Variants in SGCZ observed in about 807,000 individuals in gnomAD.
SGCZ encodes the protein sarcoglycan zeta, also known as zeta-sarcoglycan.
In SGCZ, 40 loss-of-function variants were observed where a neutral mutation model predicts 41.3. The observed-to-expected ratio is 0.97, with a 90% CI of 0.75 to 1.26. SGCZ has a LOEUF of 1.26. SGCZ is among the 50% of genes most tolerant of loss of function. SGCZ has a pLI of 0.00. For missense variants in SGCZ, 552 were observed against 369.8 expected (o/e 1.49, Z -4.04); for synonymous variants, 206 against 137.5 (o/e 1.50, Z -3.49).
chr8:14,413,175 A>G (rs7461169), intron 2 of SGCZ, among the ~76,000 whole-genome samples: 48,132 of 151,838 alleles, frequency 0.32, 7,747 homozygotes, highest in Admixed American at 0.36. Context: ...TAGTAACACC[A>G]ACTAGAGCAA....
At chr8:14,774,721 T>A (rs1318530537) in intron 1 of SGCZ, among the ~76,000 whole-genome samples, 2 of 152,210 alleles carry the variant, frequency 1.3e-5, no homozygotes, top group African/African-American at 2.4e-5. Context: ...GAAATGTGGT[T>A]AATTGAACCA....
intron 1 of SGCZ, among the ~76,000 whole-genome samples, chr8:14,933,077 G>C (rs946879563): frequency 5.9e-5 from 9 of 151,910 alleles, no homozygotes; most frequent in Non-Finnish European, 2.9e-5. Context: ...GGGGATGAGG[G>C]CTGAAAAACT....
At chr8:14,524,725 A>C (rs978005714) in intron 2 of SGCZ, among the ~76,000 whole-genome samples, 5 of 152,108 alleles carry the variant, frequency 3.3e-5, no homozygotes, top group African/African-American at 9.7e-5. Context: ...CACGGTTTTT[A>C]ATCGTACTTA....
intron 2 of SGCZ, among the ~76,000 whole-genome samples, chr8:14,406,828 C>G (rs1187938850): frequency 1.3e-5 from 2 of 152,128 alleles, no homozygotes; most frequent in African/African-American, 4.8e-5. Context: ...GAGTGCAGCA[C>G]TGATTCTGAG....
chr8:14,679,154 A>C (rs1808364006), intron 1 of SGCZ, among the ~76,000 whole-genome samples: 1 of 152,174 alleles, frequency 6.6e-6, no homozygotes, highest in Non-Finnish European at 1.5e-5. Context: ...ATATAATAAT[A>C]TATCACATAC....
rs114844296 is a variant in SGCZ, at chr8:14,160,269, G to A, written c.547+4311C>T. Among the ~76,000 whole-genome samples the A allele has an allele frequency of 4.3e-3, 662 of 152,248 alleles. 7 individuals are homozygous for A. The highest frequency in any genetic ancestry group is 0.016 in the African/African-American group (650 of 41,534). Reference sequence around the variant, plus strand: ...TGTCTTTCACTTTTTAAAGCAGAGTGGCTTATTCGTGAAATTTGTTTTCTA... The same window carrying A: ...TGTCTTTCACTTTTTAAAGCAGAGTAGCTTATTCGTGAAATTTGTTTTCTA... On this transcript the variant is annotated intron_variant, in intron 5 of 7. Coordinates refer to ENST00000382080, the MANE Select transcript of SGCZ (RefSeq NM_139167.4).
At chr8:14,384,722 G>A (rs1804504841) in intron 2 of SGCZ, among the ~76,000 whole-genome samples, 1 of 152,068 alleles carries the variant, frequency 6.6e-6, no homozygotes. Context: ...ACCATACCCG[G>A]CTAATTTTTG....
At chr8:15,172,602 A>G (rs1440918042) in intron 1 of SGCZ, among the ~76,000 whole-genome samples, 4 of 152,146 alleles carry the variant, frequency 2.6e-5, no homozygotes, top group African/African-American at 9.7e-5. Flanking sequence ...TACATGGTCA[A>G]CTTCATTTGT....
chr8:14,706,825 G>A (rs1048295265), intron 1 of SGCZ, among the ~76,000 whole-genome samples: 2 of 151,964 alleles, frequency 1.3e-5, no homozygotes, highest in Non-Finnish European at 2.9e-5. Flanking sequence ...ACTCTCATGT[G>A]CTTATCAGAA....
intron 1 of SGCZ, among the ~76,000 whole-genome samples, chr8:14,997,334 T>C (rs1802253316): frequency 6.6e-6 from 1 of 152,204 alleles, no homozygotes; most frequent in African/African-American, 2.4e-5. Flanking sequence ...ACTGAAAATA[T>C]TTCCTTCTTT....
chr8:14,122,720 G>T (rs910839442), intron 5 of SGCZ, among the ~76,000 whole-genome samples: 5 of 152,056 alleles, frequency 3.3e-5, no homozygotes, highest in Non-Finnish European at 5.9e-5. Context: ...TTTTCAAGTT[G>T]TGGTCAACTC....
chr8:14,163,386 T>C (rs1804106730), intron 5 of SGCZ, among the ~76,000 whole-genome samples: 1 of 152,204 alleles, frequency 6.6e-6, no homozygotes, highest in Non-Finnish European at 1.5e-5. Context: ...GTTCTCATCA[T>C]TTATAGCTCC....
intron 3 of SGCZ, among the ~76,000 whole-genome samples, chr8:14,320,414 A>G (rs1238749530): frequency 6.6e-6 from 1 of 151,474 alleles, no homozygotes; most frequent in Non-Finnish European, 1.5e-5. Flanking sequence ...GCCTGGCCCC[A>G]TGGCTTTGTG....
chr8:14,133,581 G>A (rs1302278989), intron 5 of SGCZ, among the ~76,000 whole-genome samples: 2 of 152,164 alleles, frequency 1.3e-5, no homozygotes, highest in East Asian at 3.9e-4. Flanking sequence ...TCTGAAGACT[G>A]CCATAGAGCC....
intron 5 of SGCZ, 52 bp downstream of exon 5, chr8:14,164,528 T>C (rs1804146550): frequency 6.2e-7 from 1 of 1,606,120 alleles, no homozygotes; most frequent in African/African-American, 1.3e-5. Flanking sequence ...CTTGTGCAGT[T>C]GTATATTCTT....
At chr8:14,904,282 A>C (rs769424506) in intron 1 of SGCZ, among the ~76,000 whole-genome samples, 1 of 152,152 alleles carries the variant, frequency 6.6e-6, no homozygotes, top group East Asian at 1.9e-4. Flanking sequence ...TCGTTCCTGA[A>C]AACAGCATTG....
chr8:14,335,485 T>C (rs1006591963), intron 2 of SGCZ, among the ~76,000 whole-genome samples: 35 of 152,082 alleles, frequency 2.3e-4, no homozygotes, highest in Admixed American at 1.5e-3. Flanking sequence ...AAATATGTAA[T>C]ATTAGCTTCT....
intron 3 of SGCZ, among the ~76,000 whole-genome samples, chr8:14,295,165 C>G (rs1800967467): frequency 6.6e-6 from 1 of 151,892 alleles, no homozygotes; most frequent in South Asian, 2.1e-4. Flanking sequence ...TTGTAATAGC[C>G]AAAAGATGCG....
chr8:14,935,048 C>G (rs574760961), intron 1 of SGCZ, among the ~76,000 whole-genome samples: 1 of 144,270 alleles, frequency 6.9e-6, no homozygotes, highest in Non-Finnish European at 1.5e-5. Flanking sequence ...AAGGTGAAAA[C>G]TGAGATGATT....
Sources: gnomAD v4.1 joint callset for allele counts (sites outside exome capture counted in the v4.1 genomes callset) on GRCh38, gnomAD v4.1.1 for gene constraint, MANE v1.5 for transcripts, NCBI Gene and HGNC (gene_info 2026-07-23, HGNC 2026-07-21) for gene names.